The following SH3PXD2A variants were observed in gnomAD, a reference collection of about 807,000 sequenced individuals.
SH3PXD2A encodes SH3 and PX domain-containing protein 2A.
SH3PXD2A carries 32 observed loss-of-function variants against 115.2 expected under a neutral mutation model. The ratio of observed to expected loss-of-function variants is 0.28; its 90% CI spans 0.21 to 0.37. SH3PXD2A has a LOEUF of 0.37. Among genes scored for constraint, SH3PXD2A ranks in the 10% least tolerant of loss-of-function variants. The pLI is 1.00. For missense variants in SH3PXD2A, 1,328 were observed against 1,498.7 expected, an observed-to-expected ratio of 0.89 and a Z score of 1.88; for synonymous variants, 610 against 629.1, an observed-to-expected ratio of 0.97 and a Z score of 0.45.
intron 4 of SH3PXD2A, among the ~76,000 whole-genome samples, chr10:103,728,338 C>G (rs957930761): frequency 6.6e-6 from 1 of 152,200 alleles, no homozygotes; most frequent in African/African-American, 2.4e-5. Context: ...TAAATGTGAG[C>G]CGTGATAACA....
At chr10:103,701,832 A>G (rs932175110) in intron 5 of SH3PXD2A, among the ~76,000 whole-genome samples, 6 of 147,882 alleles carry the variant, frequency 4.1e-5, no homozygotes, top group Non-Finnish European at 7.4e-5. Context: ...TCCATCATCT[A>G]TCTACCATCT....
chr10:103,656,074 A>T (rs933717024), intron 8 of SH3PXD2A, among the ~76,000 whole-genome samples: 8 of 152,374 alleles, frequency 5.3e-5, no homozygotes, highest in Non-Finnish European at 1.0e-4. Context: ...TATATCACAC[A>T]GTATATAGAC....
intron 2 of SH3PXD2A, among the ~76,000 whole-genome samples, chr10:103,772,204 G>A (rs536795856): frequency 6.6e-6 from 1 of 152,322 alleles, no homozygotes; most frequent in South Asian, 2.1e-4. Flanking sequence ...GTGAGAGACA[G>A]TTCAAATGTC....
intron 2 of SH3PXD2A, among the ~76,000 whole-genome samples, chr10:103,783,723 A>C (rs2038954291): frequency 6.6e-6 from 1 of 152,170 alleles, no homozygotes; most frequent in African/African-American, 2.4e-5. Context: ...TTCTTTTTGG[A>C]ATCTCCTTAA....
chr10:103,808,219 C>A (rs1330436709), intron 1 of SH3PXD2A, among the ~76,000 whole-genome samples: 3 of 151,958 alleles, frequency 2.0e-5, no homozygotes, highest in Admixed American at 6.6e-5. Flanking sequence ...CACCGGGAAG[C>A]AGTAAAGGCC....
chr10:103,672,424 A>G (rs2037476397), intron 6 of SH3PXD2A, among the ~76,000 whole-genome samples: 3 of 152,358 alleles, frequency 2.0e-5, no homozygotes, highest in African/African-American at 7.2e-5. Context: ...GGTAGTCTCC[A>G]TAACACAAGG....
At chr10:103,681,769 C>A (rs116598928) in intron 6 of SH3PXD2A, among the ~76,000 whole-genome samples, 1 of 152,050 alleles carries the variant, frequency 6.6e-6, no homozygotes, top group Non-Finnish European at 1.5e-5. Flanking sequence ...CGCGCGCGCG[C>A]GCGCACACAC....
Position 103,702,739 on chromosome 10 carries a change from G to A in SH3PXD2A, c.399-9683C>T, listed in dbSNP as rs184653929. On this transcript the variant is annotated intron_variant, in intron 5 of 14. Transcript: ENST00000369774. ...AGGAAGTTGCTGAGAACAACCCAGCGGCAGTATTCCTAAAGAGAGATTCTC... is the reference window on the plus strand; with the variant it reads ...AGGAAGTTGCTGAGAACAACCCAGCAGCAGTATTCCTAAAGAGAGATTCTC... 3.6e-3 allele frequency among the ~76,000 whole-genome samples: 543 copies of A among 152,244 alleles called. 3 individuals are homozygous for A. The highest frequency in any genetic ancestry group is 5.1e-3 in the Non-Finnish European group (345 of 68,014).
rs2036588957 is a variant in SH3PXD2A at position 103,620,638 on chromosome 10, C to A, written c.802+1832G>T. Among the ~76,000 whole-genome samples the A allele has an allele frequency of 6.6e-6, 1 of 152,204 alleles. No homozygotes were observed. The highest frequency in any genetic ancestry group is 2.4e-5 in the African/African-American group (1 of 41,450). On this transcript the variant is annotated intron_variant, in intron 10 of 14. Coordinates refer to ENST00000369774, the MANE Select transcript of SH3PXD2A (RefSeq NM_001394015.1). The surrounding 1 kb of genome is among the most constrained non-coding windows in gnomAD (Gnocchi z 5.3). ...CAAGCGTCTCCAAGCCAACTCTCTG[C>A]AAGTTTTTCTTGGCTGCCTGGTTTA...
At chr10:103,702,585 C>CTGTGTGTGTGTGTGTGTGTGTG (rs61568990) in intron 5 of SH3PXD2A, among the ~76,000 whole-genome samples, 4 of 32,984 alleles carry the variant, frequency 1.2e-4, no homozygotes, top group Admixed American at 9.7e-4. Flanking sequence ...AGATGTAAGC[C>CTGTGTGTGTGTGTGTGTGTGTG]TGTGTGTGTG....
intron 7 of SH3PXD2A, among the ~76,000 whole-genome samples, chr10:103,663,655 C>A (rs1481676253): frequency 1.3e-5 from 2 of 152,240 alleles, no homozygotes; most frequent in Non-Finnish European, 2.9e-5. Flanking sequence ...CTTGTGTGCA[C>A]CCAGGTGCAA....
At chr10:103,834,591 C>CCACCTT in intron 1 of SH3PXD2A, among the ~76,000 whole-genome samples, 1 of 152,328 alleles carries the variant, frequency 6.6e-6, no homozygotes, top group South Asian at 2.1e-4. Context: ...CTCAATAAAG[C>CCACCTT]TGTTCCAAAA....
At position 103,601,947 on chromosome 10, in the gene SH3PXD2A, C is replaced by T. The variant is rs1320629210; in HGVS notation, c.3271G>A (p.Gly1091Ser). Residue 1091 changes from glycine to serine, a missense_variant, in exon 15 of 15, where the codon GGC becomes AGC. By Grantham distance (56) the Gly-to-Ser change is moderately conservative. This residue lies in a region of SH3PXD2A where 45 missense variants were observed against 73.6 expected (regional missense o/e 0.61). Transcript: ENST00000369774. ...TCCATGGACACCCCCTCCTGGAAGC[C>T]TGCTGTCTCCTCATCCCCCTCGTAG... ...ADYEGDEETA[G>S]FQEGVSMEVL... is the part of the protein sequence containing the mutation. The T allele has an allele frequency of 2.5e-6, 4 of 1,614,020 alleles. No individual in the cohort carries two copies. Among genetic ancestry groups the T allele is most frequent in the Non-Finnish European group, 2.5e-6 (3 of 1,180,008 alleles).
chr10:103,807,154 C>T (rs1026629518), intron 1 of SH3PXD2A, among the ~76,000 whole-genome samples: 2 of 152,212 alleles, frequency 1.3e-5, no homozygotes, highest in African/African-American at 4.8e-5. Flanking sequence ...AGAATGAAGC[C>T]TAGCCCATTT....
chr10:103,797,868 G>A (rs954480198), intron 2 of SH3PXD2A, among the ~76,000 whole-genome samples: 1 of 152,168 alleles, frequency 6.6e-6, no homozygotes, highest in Non-Finnish European at 1.5e-5. Flanking sequence ...TGGCTGCAGA[G>A]TGTGAAGGGC....
At chr10:103,604,306 T>C (rs191165972) in intron 14 of SH3PXD2A, among the ~76,000 whole-genome samples, 1 of 152,310 alleles carries the variant, frequency 6.6e-6, no homozygotes, top group African/African-American at 2.4e-5. Flanking sequence ...TGCAGAGCCT[T>C]TCCCCAGGAT....
intron 1 of SH3PXD2A, among the ~76,000 whole-genome samples, chr10:103,837,671 A>G (rs1227481869): frequency 1.3e-5 from 2 of 152,172 alleles, no homozygotes; most frequent in African/African-American, 2.4e-5. Context: ...AGTGCCCACC[A>G]TATTTCCAGG....
intron 2 of SH3PXD2A, among the ~76,000 whole-genome samples, chr10:103,782,827 CAAA>C (rs1177829829): frequency 2.2e-5 from 1 of 45,390 alleles, no homozygotes; most frequent in Admixed American, 2.2e-4. Context: ...TCCATCTCTC[CAAA>C]AAAAAAAAAA....
At chr10:103,762,344 C>A (rs1211913927) in intron 3 of SH3PXD2A, among the ~76,000 whole-genome samples, 1 of 152,048 alleles carries the variant, frequency 6.6e-6, no homozygotes, top group Admixed American at 6.6e-5. Context: ...AACAAAGCAC[C>A]CCCCATCCAG....
Sources: allele counts gnomAD v4.1 joint callset (sites outside exome capture counted in the v4.1 genomes callset), GRCh38; gene constraint gnomAD v4.1.1; regional missense constraint gnomAD v4.1.1; non-coding constraint Gnocchi (gnomAD v3.1); transcripts MANE v1.5; gene names NCBI Gene and HGNC (gene_info 2026-07-23, HGNC 2026-07-21).